The following GMEB1 variants were observed in gnomAD, a reference collection of about 807,000 sequenced individuals.
GMEB1 encodes glucocorticoid modulatory element-binding protein 1.
GMEB1 carries 6 observed loss-of-function variants against 52.4 expected under a neutral mutation model. That is an observed-to-expected ratio of 0.11 (90% CI 0.06 to 0.23). The LOEUF is 0.23. Ranked by LOEUF, GMEB1 falls within the 10% of genes least tolerant of loss-of-function variation. GMEB1 has a pLI of 1.00. For missense variants in GMEB1, 486 were observed against 685.6 expected, an observed-to-expected ratio of 0.71 and a Z score of 3.25; for synonymous variants, 255 against 244.9, an observed-to-expected ratio of 1.04 and a Z score of -0.38.
intron 1 of GMEB1, among the ~76,000 whole-genome samples, chr1:28,679,331 A>G (rs1669294184): frequency 6.6e-6 from 1 of 151,872 alleles, no homozygotes; most frequent in Non-Finnish European, 1.5e-5. Context: ...GCGCCCACCA[A>G]CACACTTTGC....
chr1:28,684,429 A>G (rs1052248269), intron 2 of GMEB1, among the ~76,000 whole-genome samples: 2 of 151,838 alleles, frequency 1.3e-5, no homozygotes, highest in African/African-American at 2.4e-5. Context: ...TGGGCGTGGT[A>G]GCAGGCGCCT....
chr1:28,672,550 A>T (rs959959158), intron 1 of GMEB1, among the ~76,000 whole-genome samples: 4 of 151,500 alleles, frequency 2.6e-5, no homozygotes, highest in African/African-American at 9.7e-5. Flanking sequence ...AGAAAGTGCC[A>T]ATATTATTAT....
chr1:28,695,404 G>C (rs1224329085), intron 5 of GMEB1, among the ~76,000 whole-genome samples: 2 of 151,132 alleles, frequency 1.3e-5, no homozygotes, highest in South Asian at 2.1e-4. Flanking sequence ...GGCTTATTTT[G>C]TATTTTTAGG....
rs543555321 is a variant in GMEB1, at chr1:28,700,322, C to G, written c.599-2116C>G. Among the ~76,000 whole-genome samples, 5 of 151,844 alleles carry G rather than the reference C, an allele frequency of 3.3e-5. No individual in the cohort carries two copies. The East Asian group carries it at 9.7e-4, about 30-fold the overall frequency. On this transcript the variant is annotated intron_variant, in intron 6 of 9. Coordinates refer to ENST00000373816, the MANE Select transcript of GMEB1 (RefSeq NM_001319674.2). ...GGTCAGGAGATGGAGACCATCCTGG[C>G]TAGCATAGTGAAACCCTGTCTCTAC...
chr1:28,698,637 T>C (rs761967637), intron 6 of GMEB1, among the ~76,000 whole-genome samples: 1 of 142,996 alleles, frequency 7.0e-6, no homozygotes, highest in South Asian at 2.2e-4. Context: ...ATGGCGCCAC[T>C]GCACTCCAGC....
At chr1:28,685,547 T>C (rs1156317874) in intron 2 of GMEB1, among the ~76,000 whole-genome samples, 2 of 152,226 alleles carry the variant, frequency 1.3e-5, no homozygotes, top group Admixed American at 6.5e-5. Context: ...CAATATCTTA[T>C]GATGCCTTAA....
intron 1 of GMEB1, among the ~76,000 whole-genome samples, chr1:28,679,472 C>T (rs983876387): frequency 6.6e-6 from 1 of 152,208 alleles, no homozygotes; most frequent in Non-Finnish European, 1.5e-5. Context: ...GCCACTGTGC[C>T]TGGCCCCTTT....
Position 28,714,864 on chromosome 1 carries a change from A to C in GMEB1, c.*91A>C. The stretch of plus-strand genomic sequence containing the variant: ...ATTGTCCCACTCATTTCCACATAGG[A>C]CCCTTTTTTAAAAAAAAAAAAACAA... On this transcript the variant is annotated 3_prime_UTR_variant, in exon 10 of 10. Coordinates refer to ENST00000373816, the MANE Select transcript of GMEB1 (RefSeq NM_001319674.2). The C allele has an allele frequency of 2.4e-6, 2 of 836,672 alleles. No homozygotes were observed. Among genetic ancestry groups the C allele is most frequent in the Non-Finnish European group, 3.6e-6 (2 of 549,130 alleles). 51.8% of individuals were successfully genotyped at this position (836,672 alleles called of 1,614,324 possible). A position where few individuals can be genotyped will look rare whatever the true frequency, so the allele number is the denominator to read the frequency against.
intron 1 of GMEB1, among the ~76,000 whole-genome samples, chr1:28,672,880 A>G (rs955795828): frequency 6.7e-6 from 1 of 148,802 alleles, no homozygotes; most frequent in Non-Finnish European, 1.5e-5. Context: ...CTGGGACTAC[A>G]GGCACATGCC....
rs1402510312 is a variant in GMEB1 at position 28,674,719 on chromosome 1, T to TTA, written c.-31+5881_-31+5882insAT. Among the ~76,000 whole-genome samples the TTA allele has an allele frequency of 2.3e-3, 288 of 127,642 alleles. 5 individuals are homozygous for TTA. The highest frequency in any genetic ancestry group is 0.015 in the Admixed American group (193 of 12,594). 83.7% of individuals were successfully genotyped at this position (127,642 alleles called of 152,430 possible). The stretch of plus-strand genomic sequence containing the variant: ...CAGAATAGTTAATTCTTTTTTTTTT[T>TTA]TTTTTTTTTTTTTTTTTGAGACGGA... On this transcript the variant is annotated intron_variant, in intron 1 of 9. Coordinates refer to ENST00000373816, the MANE Select transcript of GMEB1 (RefSeq NM_001319674.2).
intron 1 of GMEB1, among the ~76,000 whole-genome samples, chr1:28,669,628 A>C (rs1668791685): frequency 6.6e-6 from 1 of 152,014 alleles, no homozygotes; most frequent in Admixed American, 6.6e-5. Flanking sequence ...GCGTGGTAGG[A>C]AGACTCCTAG....
Position 28,702,536 on chromosome 1 carries a change from G to A in GMEB1, c.697G>A (p.Glu233Lys), listed in dbSNP as rs1364575289. Reference sequence around the variant, plus strand: ...CGCTGCTGTCACCATGGCCACGGAGGAGGGTGTAAAGAAAGACTCAGAGGA... The same window carrying A: ...CGCTGCTGTCACCATGGCCACGGAGAAGGGTGTAAAGAAAGACTCAGAGGA... ...LTAAVTMATE[E>K]GVKKDSEEIS... Residue 233 changes from glutamate to lysine, a missense_variant, in exon 7 of 10, where the codon GAG (glutamate) becomes AAG (lysine). Physicochemically the swap from Glu to Lys is moderately conservative, Grantham distance 56 (BLOSUM62 1). This residue lies in a region of GMEB1 where 200 missense variants were observed against 253.5 expected (regional missense o/e 0.79). Transcript: ENST00000373816. The A allele has an allele frequency of 1.2e-6, 2 of 1,613,780 alleles. No individual in the cohort carries two copies. The highest frequency in any genetic ancestry group is 1.1e-5 in the South Asian group (1 of 91,080).
chr1:28,683,898 T>G (rs1434595898), intron 2 of GMEB1, among the ~76,000 whole-genome samples, 158 bp downstream of exon 2: 2 of 152,186 alleles, frequency 1.3e-5, no homozygotes, highest in Non-Finnish European at 2.9e-5. Flanking sequence ...CGTGCTGTAT[T>G]TGTCATTTTA....
intron 8 of GMEB1, among the ~76,000 whole-genome samples, chr1:28,710,040 G>A (rs1009719710): frequency 3.9e-5 from 6 of 152,046 alleles, no homozygotes; most frequent in East Asian, 1.9e-4. Context: ...CCAGCTACTC[G>A]GGAGGCTGAG....
At chr1:28,710,177 T>A (rs936414201) in intron 8 of GMEB1, among the ~76,000 whole-genome samples, 1 of 151,958 alleles carries the variant, frequency 6.6e-6, no homozygotes, top group Non-Finnish European at 1.5e-5. Context: ...TGTTTCAAAT[T>A]TATGTAAGTA....
upstream of GMEB1, chr1:28,668,704 T>G (rs1668715377): frequency 6.5e-6 from 1 of 153,754 alleles, no homozygotes; most frequent in Non-Finnish European, 1.5e-5. Flanking sequence ...AGGCGCCAGC[T>G]CTCCGGCGGC....
intron 9 of GMEB1, among the ~76,000 whole-genome samples, chr1:28,712,126 A>G (rs563974298): frequency 6.9e-4 from 105 of 152,346 alleles, no homozygotes; most frequent in African/African-American, 2.4e-3. Context: ...GGTGGCTCAC[A>G]GAACTCAGAG....
In GMEB1 at chr1:28,683,851, G is replaced by A. The variant is rs571630817; in HGVS notation, c.128+111G>A. Reference sequence around the variant, plus strand: ...AATGGAACATTTAACATCAATCAGAGCTGGCTCAGTTTTCATCTGTATAAT... The same window carrying A: ...AATGGAACATTTAACATCAATCAGAACTGGCTCAGTTTTCATCTGTATAAT... On this transcript the variant is annotated intron_variant, in intron 2 of 9. Coordinates refer to ENST00000373816, the MANE Select transcript of GMEB1 (RefSeq NM_001319674.2). The A allele has an allele frequency of 6.3e-5, 65 of 1,033,438 alleles. No individual in the cohort carries two copies. In the Middle Eastern group the frequency reaches 8.3e-4, roughly 13 times the overall value. 64.0% of individuals were successfully genotyped at this position (1,033,438 alleles called of 1,614,324 possible). A position where few individuals can be genotyped will look rare whatever the true frequency, so the allele number is the denominator to read the frequency against.
intron 5 of GMEB1, among the ~76,000 whole-genome samples, chr1:28,694,561 A>C (rs957458743): frequency 6.6e-6 from 1 of 151,432 alleles, no homozygotes; most frequent in Non-Finnish European, 1.5e-5. Flanking sequence ...GCTGGAGTGC[A>C]TTGGCATGAT....
Sources: gnomAD v4.1 joint callset for allele counts (sites outside exome capture counted in the v4.1 genomes callset) on GRCh38, gnomAD v4.1.1 for gene constraint, gnomAD v4.1.1 regional missense constraint, MANE v1.5 for transcripts, NCBI Gene and HGNC (gene_info 2026-07-23, HGNC 2026-07-21) for gene names.